DCAF5: variants seen among roughly 807,000 people sequenced by gnomAD.
The protein encoded by DCAF5 is DDB1- and CUL4-associated factor 5.
Under a neutral mutation model 80.7 loss-of-function variants are expected in DCAF5, and 9 were observed. The observed-to-expected ratio is 0.11, with a 90% CI of 0.07 to 0.19. The LOEUF (loss-of-function observed/expected upper bound fraction) is 0.19, where lower values mean the gene tolerates loss of function less well. Among genes scored for constraint, DCAF5 ranks in the 10% least tolerant of loss-of-function variants. The pLI is 1.00. For missense variants in DCAF5, 842 were observed against 1,205.7 expected (o/e 0.70, Z 4.47); for synonymous variants, 433 against 461.9 (o/e 0.94, Z 0.80).
chr14:69,084,218 A>G, intron 6 of DCAF5: 1 of 1,006,060 alleles, frequency 9.9e-7, no homozygotes, highest in East Asian at 2.4e-5. Flanking sequence ...CCACGTGCAT[A>G]CCTATGGGTT....
chr14:69,138,025 CT>C (rs1477042115), intron 1 of DCAF5, among the ~76,000 whole-genome samples: 2 of 151,938 alleles, frequency 1.3e-5, no homozygotes, highest in African/African-American at 4.8e-5. Context: ...TGAGGGGGGA[CT>C]ACTGTATGTC....
intron 1 of DCAF5, among the ~76,000 whole-genome samples, chr14:69,139,975 G>C (rs1020927545): frequency 1.3e-5 from 2 of 151,790 alleles, no homozygotes; most frequent in African/African-American, 4.8e-5. Flanking sequence ...AAGAAGAAAA[G>C]AGAAGACAGA....
chr14:69,051,551 A>G lies in DCAF5; in HGVS notation c.*2306T>C, dbSNP rs951451008. 6.6e-6 allele frequency: 1 copy of G among 152,212 alleles called. No individual in the cohort carries two copies. Among genetic ancestry groups the G allele is most frequent in the Admixed American group, 6.5e-5 (1 of 15,286 alleles). 9.4% of individuals were successfully genotyped at this position (152,212 alleles called of 1,614,324 possible). On this transcript the variant is annotated 3_prime_UTR_variant, in exon 9 of 9. Transcript: ENST00000341516. ...AAGGATGGAAGGCATACTTGCTAAA[A>G]ATGATCTTTCTTGGCTTCTCAAGTT...
rs1397758264 is a variant in DCAF5 at position 69,118,883 on chromosome 14, T to C, written c.395+311A>G. On this transcript the variant is annotated intron_variant, in intron 3 of 8. Coordinates refer to ENST00000341516, the MANE Select transcript of DCAF5 (RefSeq NM_003861.3). The surrounding 1 kb of genome is among the most constrained non-coding windows in gnomAD (Gnocchi z 4.0). ...ATTTACAATGGTGTCTGGCACATAGTAAGAACTCAATCAATATTAGCTATT... is the reference window on the plus strand; with the variant it reads ...ATTTACAATGGTGTCTGGCACATAGCAAGAACTCAATCAATATTAGCTATT... 6.6e-6 allele frequency among the ~76,000 whole-genome samples: 1 copy of C among 152,202 alleles called. No individual in the cohort carries two copies. Among genetic ancestry groups the C allele is most frequent in the Non-Finnish European group, 1.5e-5 (1 of 68,036 alleles).
chr14:69,056,685 C>T (rs72718275), intron 8 of DCAF5, among the ~76,000 whole-genome samples: 17,534 of 152,214 alleles, frequency 0.12, 1,173 homozygotes, highest in Middle Eastern at 0.21. Context: ...CTCAATTCCC[C>T]ATCCTTCATC....
chr14:69,059,755 C>T (rs1480758184), intron 8 of DCAF5, among the ~76,000 whole-genome samples: 1 of 152,112 alleles, frequency 6.6e-6, no homozygotes, highest in African/African-American at 2.4e-5. Flanking sequence ...GCTGAGGACT[C>T]CAGAGCTTTT....
At chr14:69,056,763 A>T (rs560517332) in intron 8 of DCAF5, among the ~76,000 whole-genome samples, 1 of 152,320 alleles carries the variant, frequency 6.6e-6, no homozygotes, top group Admixed American at 6.5e-5. Context: ...AATTCTCCTG[A>T]GTCCCATTCC....
At chr14:69,075,857 T>C (rs1233286527) in intron 6 of DCAF5, among the ~76,000 whole-genome samples, 2 of 152,130 alleles carry the variant, frequency 1.3e-5, no homozygotes, top group African/African-American at 4.8e-5. Context: ...TGGGCATATA[T>C]TTATAAGGCA....
At chr14:69,070,657 T>C (rs1415166868) in intron 7 of DCAF5, among the ~76,000 whole-genome samples, 2 of 152,196 alleles carry the variant, frequency 1.3e-5, no homozygotes, top group East Asian at 1.9e-4. Context: ...TATTTTATTT[T>C]CAGAATTACC....
chr14:69,075,159 A>G (rs750030176), intron 7 of DCAF5, among the ~76,000 whole-genome samples, 186 bp downstream of exon 7: 2 of 152,218 alleles, frequency 1.3e-5, no homozygotes, highest in African/African-American at 4.8e-5. Flanking sequence ...TTTATGTCAG[A>G]TAAGACTATG....
chr14:69,108,384 T>C (rs983762870), intron 5 of DCAF5, among the ~76,000 whole-genome samples: 1 of 152,162 alleles, frequency 6.6e-6, no homozygotes, highest in African/African-American at 2.4e-5. Context: ...GCATCCTCTA[T>C]GTGTATGTGT....
chr14:69,142,505 C>T (rs995324764), intron 1 of DCAF5, among the ~76,000 whole-genome samples: 2 of 152,174 alleles, frequency 1.3e-5, no homozygotes, highest in African/African-American at 4.8e-5. Flanking sequence ...GTTGTGGTGA[C>T]AGAAGCAAAT....
chr14:69,097,589 T>A (rs75100347), intron 5 of DCAF5, among the ~76,000 whole-genome samples: 3,051 of 141,238 alleles, frequency 0.022, 45 homozygotes, highest in African/African-American at 0.048. Flanking sequence ...ATTATTTTTT[T>A]TTTTTTTTTT....
At chr14:69,105,944 T>TATATATATATATATATGTATATA (rs35270301) in intron 5 of DCAF5, among the ~76,000 whole-genome samples, 1 of 85,174 alleles carries the variant, frequency 1.2e-5, no homozygotes, top group Non-Finnish European at 3.1e-5. Context: ...TATATATATA[T>TATATATATATATATATGTATATA]ATCTCCTATT....
At chr14:69,129,811 T>C (rs2040987388) in intron 1 of DCAF5, among the ~76,000 whole-genome samples, 1 of 152,190 alleles carries the variant, frequency 6.6e-6, no homozygotes, top group Non-Finnish European at 1.5e-5. Flanking sequence ...TCAGTGCCAG[T>C]GCCAGGCAAA....
At position 69,105,944 on chromosome 14, in the gene DCAF5, T is replaced by TATATATATATATATATATATATATATATA. The variant is rs35270301; in HGVS notation, c.665+10421_665+10422insTATATATATATATATATATATATATATAT. Among the ~76,000 whole-genome samples the TATATATATATATATATATATATATATATA allele has an allele frequency of 5.5e-3, 470 of 85,048 alleles. 94 individuals carry two copies. The highest frequency in any genetic ancestry group is 0.011 in the Non-Finnish European group (347 of 32,456). 55.8% of individuals were successfully genotyped at this position (85,048 alleles called of 152,430 possible). A position where few individuals can be genotyped will look rare whatever the true frequency, so the allele number is the denominator to read the frequency against. On this transcript the variant is annotated intron_variant, in intron 5 of 8. Coordinates refer to ENST00000341516, the MANE Select transcript of DCAF5 (RefSeq NM_003861.3). ...ATATATATATATATATATATATATA[T>TATATATATATATATATATATATATATATA]ATCTCCTATTGGTTCTGTTCCTCTG...
intron 7 of DCAF5, among the ~76,000 whole-genome samples, chr14:69,068,233 C>A (rs554315187): frequency 9.2e-5 from 14 of 152,268 alleles, no homozygotes; most frequent in African/African-American, 3.1e-4. Flanking sequence ...GCCCATAGAG[C>A]TTTACATGAT....
chr14:69,104,968 G>T (rs1033441833), intron 5 of DCAF5, among the ~76,000 whole-genome samples: 4 of 151,750 alleles, frequency 2.6e-5, no homozygotes, highest in Non-Finnish European at 2.9e-5. Flanking sequence ...AAAAACCATT[G>T]TAACAACTAG....
intron 3 of DCAF5, 87 bp downstream of exon 3, chr14:69,119,107 A>C: frequency 7.2e-7 from 1 of 1,382,848 alleles, no homozygotes; most frequent in Non-Finnish European, 9.8e-7. Context: ...TTCAAAAAAC[A>C]AAAACTATTT....
Sources: allele counts gnomAD v4.1 joint callset (sites outside exome capture counted in the v4.1 genomes callset), GRCh38; gene constraint gnomAD v4.1.1; non-coding constraint Gnocchi (gnomAD v3.1); transcripts MANE v1.5; gene names NCBI Gene and HGNC (gene_info 2026-07-23, HGNC 2026-07-21).